USP49: variants seen among roughly 807,000 people sequenced by gnomAD.
USP49 encodes the protein ubiquitin specific peptidase 49.
A neutral mutation model predicts 58.6 loss-of-function variants in USP49; 24 were observed. The observed-to-expected ratio is 0.41, with a 90% CI of 0.30 to 0.58. USP49 has a LOEUF of 0.58. USP49 is among the 20% of genes least tolerant of loss of function. USP49 has a pLI of 0.30. For missense variants in USP49, 703 were observed against 866.1 expected (o/e 0.81, Z 2.36); for synonymous variants, 408 against 365.1 (o/e 1.12, Z -1.34).
At chr6:41,831,696 A>G (rs1157869914) in intron 3 of USP49, among the ~76,000 whole-genome samples, 1 of 152,154 alleles carries the variant, frequency 6.6e-6, no homozygotes, top group Non-Finnish European at 1.5e-5. Flanking sequence ...ATTACTCCAA[A>G]CTAAAATTAA....
At chr6:41,865,498 T>C (rs1774297550) in intron 3 of USP49, among the ~76,000 whole-genome samples, 1 of 152,174 alleles carries the variant, frequency 6.6e-6, no homozygotes, top group Non-Finnish European at 1.5e-5. Context: ...GGTGCCTTTG[T>C]TATGTTTTTA....
intron 3 of USP49, among the ~76,000 whole-genome samples, chr6:41,818,073 T>C (rs940526298): frequency 6.6e-6 from 1 of 152,202 alleles, no homozygotes; most frequent in African/African-American, 2.4e-5. Flanking sequence ...GAGCTATATA[T>C]ATAGTTTCAT....
At chr6:41,865,532 G>A (rs578128990) in intron 3 of USP49, among the ~76,000 whole-genome samples, 1 of 151,864 alleles carries the variant, frequency 6.6e-6, no homozygotes, top group Non-Finnish European at 1.5e-5. Context: ...TTGGAGAGTG[G>A]GTCATAGTAT....
chr6:41,873,076 T>C (rs1384685273), intron 2 of USP49: 1 of 152,094 alleles, frequency 6.6e-6, no homozygotes. Flanking sequence ...TGGTTTTATA[T>C]CGCTGAAAGG....
rs182261837 is a variant in USP49 at position 41,794,001 on chromosome 6, A to G, written c.*2532T>C. On this transcript the variant is annotated 3_prime_UTR_variant, in exon 8 of 8. Transcript: ENST00000682992. ...TCTCTTTAGAATGATTCAATTTCAG[A>G]TGCAACTGAGACATTCATCTATACC... 1 of 152,322 alleles carries G rather than the reference A, an allele frequency of 6.6e-6. No homozygotes were observed. Among genetic ancestry groups the G allele is most frequent in the Admixed American group, 6.5e-5 (1 of 15,312 alleles). The allele number at this position is 152,322 out of a possible 1,614,324, so 9.4% of individuals were successfully genotyped here.
At chr6:41,810,872 T>A (rs1317098993) in intron 3 of USP49, among the ~76,000 whole-genome samples, 2 of 152,150 alleles carry the variant, frequency 1.3e-5, no homozygotes, top group Non-Finnish European at 2.9e-5. Flanking sequence ...AGTTCCTCTT[T>A]CAAGGTGAAT....
chr6:41,799,931 T>C lies in USP49; in HGVS notation c.1569A>G (p.Arg523=), dbSNP rs1258363587. The C allele has an allele frequency of 6.2e-7, 1 of 1,614,080 alleles. No homozygotes were observed. Among genetic ancestry groups the C allele is most frequent in the Non-Finnish European group, 8.5e-7 (1 of 1,179,944 alleles). ...IYACDQCNSK[R]RKSNPKPLVL... The stretch of plus-strand genomic sequence containing the variant: ...CAAGGGGTTTGGGATTGGATTTTCG[T>C]CGTTTGCCTATGTGGTTTGGGAAGG... The change falls in exon 6 of 8, where the codon CGA becomes CGG. Residue 523 remains arginine, a synonymous_variant. Transcript: ENST00000682992.
At chr6:41,817,457 CTTTTTT>C (rs58559695) in intron 3 of USP49, among the ~76,000 whole-genome samples, 3 of 74,812 alleles carry the variant, frequency 4.0e-5, no homozygotes, top group Non-Finnish European at 5.0e-5. Flanking sequence ...TTCTTTCTTT[CTTTTTT>C]TTTTTTTTTT....
chr6:41,867,594 A>AG (rs1774341662), intron 3 of USP49, among the ~76,000 whole-genome samples: 2 of 151,068 alleles, frequency 1.3e-5, no homozygotes, highest in African/African-American at 4.8e-5. Context: ...ATACAAAAAA[A>AG]AAAAAAAAAA....
At chr6:41,876,320 C>G (rs1037178719) in intron 2 of USP49, among the ~76,000 whole-genome samples, 13 of 148,986 alleles carry the variant, frequency 8.7e-5, no homozygotes, top group African/African-American at 2.8e-4. Context: ...TAGATACTTT[C>G]TCTGCATTTT....
chr6:41,816,078 C>A (rs1773344861), intron 3 of USP49, among the ~76,000 whole-genome samples: 1 of 152,210 alleles, frequency 6.6e-6, no homozygotes, highest in Non-Finnish European at 1.5e-5. Flanking sequence ...CCATACCCTC[C>A]GTACCTTCAT....
In USP49 at chr6:41,811,965, C is replaced by T. The variant is rs947511112; in HGVS notation, c.-28-4954G>A. ...TCAATATTCTTTGAAAATGTAGTCC[C>T]TGAACTACCTACCAACATCTGAATT... On this transcript the variant is annotated intron_variant, in intron 3 of 7. Transcript: ENST00000682992. Among the ~76,000 whole-genome samples the T allele has an allele frequency of 2.6e-5, 4 of 152,178 alleles. No individual in the cohort carries two copies. In the South Asian group the frequency reaches 6.2e-4, roughly 24 times the overall value.
chr6:41,804,827 C>T (rs1424242977), intron 4 of USP49, among the ~76,000 whole-genome samples: 1 of 152,224 alleles, frequency 6.6e-6, no homozygotes, highest in East Asian at 1.9e-4. Context: ...CGGCTCACCG[C>T]AACCTCCGCC....
intron 3 of USP49, among the ~76,000 whole-genome samples, chr6:41,832,257 G>GAT (rs897838666): frequency 9.2e-5 from 14 of 152,044 alleles, no homozygotes; most frequent in Admixed American, 3.3e-4. Flanking sequence ...GCTTCCCTTT[G>GAT]ATAAATTAAC....
Position 41,803,954 on chromosome 6 carries a change from T to C in USP49, c.1413A>G (p.Leu471=). The C allele has an allele frequency of 6.2e-7, 1 of 1,614,204 alleles. No individual in the cohort carries two copies. Among genetic ancestry groups the C allele is most frequent in the Non-Finnish European group, 8.5e-7 (1 of 1,180,048 alleles). The change falls in exon 5 of 8, where the codon CTA becomes CTG. Residue 471 remains leucine (L), a synonymous_variant. Coordinates refer to ENST00000682992, the MANE Select transcript of USP49 (RefSeq NM_001286554.2). The surrounding 1 kb of genome is among the most constrained non-coding windows in gnomAD (Gnocchi z 4.1). ...KSNTIEPFWD[L]SLEFPERYHC... ...GATAGCGTTCAGGGAATTCCAGGGA[T>C]AGGTCCCAAAAGGGCTCAATGGTAT...
At chr6:41,876,560 C>T (rs1582035827) in intron 2 of USP49, among the ~76,000 whole-genome samples, 1 of 152,028 alleles carries the variant, frequency 6.6e-6, no homozygotes, top group Admixed American at 6.6e-5. Flanking sequence ...ACTACAGGTG[C>T]GTGCCACCAC....
chr6:41,828,380 C>T (rs996166526), intron 3 of USP49, among the ~76,000 whole-genome samples: 5 of 152,052 alleles, frequency 3.3e-5, no homozygotes, highest in Non-Finnish European at 7.4e-5. Flanking sequence ...ACCCGGGAGG[C>T]GGAGGTTGCA....
At chr6:41,809,891 C>T (rs1377199365) in intron 3 of USP49, among the ~76,000 whole-genome samples, 1 of 150,952 alleles carries the variant, frequency 6.6e-6, no homozygotes, top group Non-Finnish European at 1.5e-5. Context: ...GTGGCTCACG[C>T]CTGTAATCCC....
intron 3 of USP49, among the ~76,000 whole-genome samples, chr6:41,827,943 T>C (rs1773569788): frequency 6.6e-6 from 1 of 152,134 alleles, no homozygotes; most frequent in Non-Finnish European, 1.5e-5. Context: ...GGCTGAGCTG[T>C]GAGATGAATT....
Sources: gnomAD v4.1 joint callset for allele counts (sites outside exome capture counted in the v4.1 genomes callset) on GRCh38, gnomAD v4.1.1 for gene constraint, Gnocchi (gnomAD v3.1) non-coding constraint, MANE v1.5 for transcripts, NCBI Gene and HGNC (gene_info 2026-07-23, HGNC 2026-07-21) for gene names.